Variants in ACO1 observed in about 807,000 individuals in gnomAD.
The protein encoded by ACO1 is cytoplasmic aconitate hydratase.
ACO1 carries 78 observed loss-of-function variants against 105.1 expected under a neutral mutation model. That is an observed-to-expected ratio of 0.74 (90% confidence interval 0.62 to 0.90). The LOEUF is 0.90. Among genes scored for constraint, ACO1 ranks in the 40% least tolerant of loss-of-function variants. The probability of loss-of-function intolerance (pLI) is 0.00; values close to 1 mark genes in which losing one functional copy is unlikely to be tolerated. For missense variants in ACO1, 965 were observed against 1,111.1 expected, an observed-to-expected ratio of 0.87 and a Z score of 1.87; for synonymous variants, 364 against 397.4, an observed-to-expected ratio of 0.92 and a Z score of 1.00.
At position 32,418,509 on chromosome 9, in the gene ACO1, G is replaced by A. The variant is rs1821901213; in HGVS notation, c.656G>A (p.Trp219Ter). 1 of 1,611,256 alleles carries A rather than the reference G, an allele frequency of 6.2e-7. No individual in the cohort carries two copies. The highest frequency in any genetic ancestry group is 8.5e-7 in the Non-Finnish European group (1 of 1,177,868). ...ATTGATGGCTTGGGCATTCTTGGTTGGGGTGAGTGTTCTTCCATATATGCT... is the reference window on the plus strand; with the variant it reads ...ATTGATGGCTTGGGCATTCTTGGTTAGGGTGAGTGTTCTTCCATATATGCT... ...TMIDGLGILGWGVGGIEAEAV... is the reference protein window; with the variant it reads ...TMIDGLGILG The change falls in exon 6 of 21, where the codon TGG (tryptophan) becomes TAG (stop). Residue 219 changes from tryptophan (W) to a stop codon, truncating the protein, a stop_gained and splice_region_variant. Transcript: ENST00000309951. LOFTEE classifies it high-confidence loss of function.
At position 32,420,841 on chromosome 9, in the gene ACO1, G is replaced by A; in HGVS notation, c.799-15G>A. On this transcript the variant is annotated splice_polypyrimidine_tract_variant and intron_variant, in intron 7 of 20. Transcript: ENST00000309951. ...CCATCAGATCTCAAACTTTTCTGTT[G>A]TTTCTGCTGCTTAGCACCTCCGCCA... 6.2e-7 allele frequency: 1 copy of A among 1,606,986 alleles called. No homozygotes were observed. Among genetic ancestry groups the A allele is most frequent in the Non-Finnish European group, 8.5e-7 (1 of 1,174,912 alleles).
chr9:32,445,212 G>T (rs1181220732), intron 19 of ACO1, among the ~76,000 whole-genome samples: 2 of 152,124 alleles, frequency 1.3e-5, no homozygotes, highest in Admixed American at 1.3e-4. Context: ...TGTACCTCTG[G>T]TAGAATTCGG....
At chr9:32,426,525 C>G (rs1440105048) in intron 11 of ACO1, among the ~76,000 whole-genome samples, 1 of 152,146 alleles carries the variant, frequency 6.6e-6, no homozygotes, top group Non-Finnish European at 1.5e-5. Context: ...TTAGTCATCC[C>G]CAAAGCTCCT....
chr9:32,406,817 TC>T (rs1821621533), intron 2 of ACO1, among the ~76,000 whole-genome samples: 1 of 152,238 alleles, frequency 6.6e-6, no homozygotes, highest in Non-Finnish European at 1.5e-5. Context: ...AGAGTCTTGC[TC>T]TGTCGCCAGG....
At chr9:32,417,893 C>T (rs12379278) in intron 4 of ACO1, among the ~76,000 whole-genome samples, 11,003 of 152,284 alleles carry the variant, frequency 0.072, 564 homozygotes, top group Middle Eastern at 0.17. Flanking sequence ...TTCATGTTTT[C>T]TGCCTACCAT....
chr9:32,431,111 G>C (rs142168105), intron 14 of ACO1, among the ~76,000 whole-genome samples: 1 of 152,176 alleles, frequency 6.6e-6, no homozygotes, highest in Non-Finnish European at 1.5e-5. Context: ...GCAGATTTGC[G>C]TAGTCACTAA....
At chr9:32,401,470 C>T (rs781205339) in intron 1 of ACO1, among the ~76,000 whole-genome samples, 2 of 151,878 alleles carry the variant, frequency 1.3e-5, no homozygotes, top group Non-Finnish European at 2.9e-5. Context: ...CTCTGTCTTC[C>T]TCTGGGGAAT....
chr9:32,429,850 T>C (rs1031602600), intron 13 of ACO1, among the ~76,000 whole-genome samples: 4 of 152,214 alleles, frequency 2.6e-5, no homozygotes, highest in African/African-American at 9.7e-5. Context: ...TTGTTTGTTA[T>C]AGGTATTGGG....
At chr9:32,438,620 G>A (rs957967801) in intron 18 of ACO1, among the ~76,000 whole-genome samples, 1 of 152,064 alleles carries the variant, frequency 6.6e-6, no homozygotes, top group African/African-American at 2.4e-5. Flanking sequence ...GAAAAACATA[G>A]AAAAAATGAA....
At chr9:32,403,902 A>G (rs1258450931) in intron 1 of ACO1, among the ~76,000 whole-genome samples, 2 of 150,168 alleles carry the variant, frequency 1.3e-5, no homozygotes, top group Non-Finnish European at 2.9e-5. Flanking sequence ...TTTGAGGGTG[A>G]AAAAGGTAAG....
intron 4 of ACO1, 25 bp downstream of exon 4, chr9:32,408,676 A>C (rs779470196): frequency 1.2e-6 from 2 of 1,612,558 alleles, no homozygotes; most frequent in African/African-American, 2.7e-5. Context: ...CGAATACCTG[A>C]GTGTTCTGCT....
At chr9:32,399,552 C>T (rs1425116359) in intron 1 of ACO1, among the ~76,000 whole-genome samples, 1 of 152,072 alleles carries the variant, frequency 6.6e-6, no homozygotes, top group Non-Finnish European at 1.5e-5. Flanking sequence ...GAACTGAAAG[C>T]TAGAAATTTA....
chr9:32,430,664 C>T, intron 14 of ACO1, 90 bp downstream of exon 14: 1 of 1,363,304 alleles, frequency 7.3e-7, no homozygotes, highest in Non-Finnish European at 1.0e-6. Flanking sequence ...AGAAATGAAG[C>T]ATAGAGCCTC....
chr9:32,440,610 A>G (rs1181064484), intron 19 of ACO1, 23 bp downstream of exon 19: 1 of 1,611,218 alleles, frequency 6.2e-7, no homozygotes, highest in South Asian at 1.1e-5. Context: ...TAGACATCCT[A>G]GGAGGCAGCT....
chr9:32,407,809 GT>G (rs1790721403), intron 3 of ACO1, among the ~76,000 whole-genome samples: 1 of 152,146 alleles, frequency 6.6e-6, no homozygotes, highest in African/African-American at 2.4e-5. Flanking sequence ...TCAAACACTT[GT>G]ACTTGAAACA....
chr9:32,407,473 C>G (rs1405538896), intron 3 of ACO1, 44 bp downstream of exon 3: 2 of 1,562,314 alleles, frequency 1.3e-6, no homozygotes, highest in Non-Finnish European at 1.7e-6. Context: ...CCCTCATTAG[C>G]CTTTCAAGAA....
rs759511016 is a variant in ACO1, at chr9:32,384,671, C to A, written c.-87C>A. 4.9e-6 allele frequency: 2 copies of A among 405,080 alleles called. No homozygotes were observed. The highest frequency in any genetic ancestry group is 2.2e-5 in the African/African-American group (1 of 45,692). 25.1% of individuals were successfully genotyped at this position (405,080 alleles called of 1,614,324 possible). A position where few individuals can be genotyped will look rare whatever the true frequency, so the allele number is the denominator to read the frequency against. The stretch of plus-strand genomic sequence containing the variant: ...GCGGCAGCTGGAACCGCGCAGCGCA[C>A]GGGAACGCGTCCCGCTGCTTGGGTC... On this transcript the variant is annotated 5_prime_UTR_variant, in exon 1 of 21. Transcript: ENST00000309951.
intron 1 of ACO1, among the ~76,000 whole-genome samples, chr9:32,404,588 G>A (rs996458025): frequency 7.9e-5 from 12 of 152,194 alleles, no homozygotes; most frequent in African/African-American, 2.7e-4. Context: ...CTGGAGCCAG[G>A]TGGCCTCTGC....
At chr9:32,399,807 A>ATT (rs56219823) in intron 1 of ACO1, among the ~76,000 whole-genome samples, 87 of 148,578 alleles carry the variant, frequency 5.9e-4, no homozygotes, top group South Asian at 5.5e-3. Flanking sequence ...AGGTCTAGTG[A>ATT]TTTTTTTTTT....
Sources: allele counts gnomAD v4.1 joint callset (sites outside exome capture counted in the v4.1 genomes callset), GRCh38; gene constraint gnomAD v4.1.1; transcripts MANE v1.5; gene names NCBI Gene and HGNC (gene_info 2026-07-23, HGNC 2026-07-21).